The following UTP4 variants were observed in gnomAD, a reference collection of about 807,000 sequenced individuals.
The protein encoded by UTP4 is U3 small nucleolar RNA-associated protein 4 homolog.
UTP4 carries 45 observed loss-of-function variants against 82.4 expected under a neutral mutation model. That is an observed-to-expected ratio of 0.55 (90% CI 0.43 to 0.70). The LOEUF (loss-of-function observed/expected upper bound fraction) is 0.70. Ranked by LOEUF, UTP4 falls within the 30% of genes least tolerant of loss-of-function variation. The pLI is 0.00. For synonymous variants in UTP4, 348 were observed against 300.3 expected, an observed-to-expected ratio of 1.16 and a Z score of -1.64; for missense variants, 819 against 858.3, an observed-to-expected ratio of 0.95 and a Z score of 0.57.
At chr16:69,137,959 T>A in intron 4 of UTP4, 74 bp downstream of exon 4, 5 of 911,354 alleles carry the variant, frequency 5.5e-6, no homozygotes, top group African/African-American at 1.6e-5. Flanking sequence ...GGGGATGGGA[T>A]ATTTTCCCAT....
At chr16:69,153,710 G>T (rs778363534) in intron 9 of UTP4, 30 bp downstream of exon 9, 1 of 1,420,754 alleles carries the variant, frequency 7.0e-7, no homozygotes, top group Non-Finnish European at 9.9e-7. Flanking sequence ...TTTTCAATAA[G>T]AAAACTGGAG....
chr16:69,164,586 T>TTATATA (rs58927210), intron 14 of UTP4, among the ~76,000 whole-genome samples: 3,369 of 132,352 alleles, frequency 0.025, 51 homozygotes, highest in East Asian at 0.038. Context: ...TAATCATTCT[T>TTATATA]TATATATATA....
chr16:69,136,936 G>A, intron 3 of UTP4, 49 bp downstream of exon 3: 2 of 1,498,520 alleles, frequency 1.3e-6, no homozygotes, highest in Non-Finnish European at 1.9e-6. Context: ...TCTCGTGCCT[G>A]CTCAGACTTT....
intron 16 of UTP4, chr16:69,167,557 G>T (rs1963731959): frequency 4.3e-6 from 1 of 234,356 alleles, no homozygotes; most frequent in African/African-American, 2.3e-5. Flanking sequence ...CAGCACTTTG[G>T]GAGGCCAAGG....
rs1194939780 is a variant in UTP4 at position 69,157,071 on chromosome 16, G to C, written c.1288-13G>C. 1 of 1,613,962 alleles carries C rather than the reference G, an allele frequency of 6.2e-7. No individual in the cohort carries two copies. Among genetic ancestry groups the C allele is most frequent in the Non-Finnish European group, 8.5e-7 (1 of 1,179,934 alleles). ...CCTTCTCTCACTGGCTTTTATTATT[G>C]GTTCACCCAAAGGTTTCCAAAATGC... On this transcript the variant is annotated splice_polypyrimidine_tract_variant and intron_variant, in intron 11 of 16. Coordinates refer to ENST00000314423, the MANE Select transcript of UTP4 (RefSeq NM_032830.3).
At chr16:69,133,206 A>T (rs1424811860) in intron 1 of UTP4, among the ~76,000 whole-genome samples, 1 of 151,968 alleles carries the variant, frequency 6.6e-6, no homozygotes, top group Non-Finnish European at 1.5e-5. Context: ...GCCCCGAGAT[A>T]GGAACTCTGG....
intron 6 of UTP4, among the ~76,000 whole-genome samples, chr16:69,145,943 T>C (rs564348512): frequency 8.5e-5 from 13 of 152,180 alleles, no homozygotes; most frequent in Non-Finnish European, 1.2e-4. Context: ...TCATGATTCA[T>C]ACAAGTATGA....
intron 3 of UTP4, among the ~76,000 whole-genome samples, chr16:69,137,335 C>A (rs199766390): frequency 6.6e-6 from 1 of 152,354 alleles, no homozygotes; most frequent in East Asian, 1.9e-4. Context: ...TGACCACACA[C>A]TGAGCCCCTT....
At chr16:69,164,634 A>G (rs927435193) in intron 14 of UTP4, among the ~76,000 whole-genome samples, 1 of 147,988 alleles carries the variant, frequency 6.8e-6, no homozygotes, top group Non-Finnish European at 1.5e-5. Flanking sequence ...ATATCTGTAT[A>G]TAGATATATA....
At chr16:69,152,464 C>CTTTTTTTTTT (rs58914042) in intron 8 of UTP4, among the ~76,000 whole-genome samples, 4 of 107,138 alleles carry the variant, frequency 3.7e-5, no homozygotes, top group South Asian at 3.2e-4. Flanking sequence ...TTCTGTTTTT[C>CTTTTTTTTTT]TTTTTTTTTT....
intron 3 of UTP4, among the ~76,000 whole-genome samples, chr16:69,137,227 T>C (rs1962834971): frequency 6.6e-6 from 1 of 152,216 alleles, no homozygotes; most frequent in Non-Finnish European, 1.5e-5. Flanking sequence ...AATCCTGCTG[T>C]AAATTCACAA....
chr16:69,157,211 A>G lies in UTP4; in HGVS notation c.1415A>G (p.Lys472Arg). Residue 472 changes from lysine to arginine, a missense_variant, in exon 12 of 17, where the codon AAG (lysine) becomes AGG (arginine). Lys to Arg is a conservative substitution (Grantham distance 26). Coordinates refer to ENST00000314423, the MANE Select transcript of UTP4 (RefSeq NM_032830.3). ...HIVQLSGGSF[K>R]HLHAFQPQSG... ...GTTCAGCTGTCAGGAGGAAGCTTCA[A>G]GCACCTGCATGCTTTCCAGCCTCAG... 6.2e-7 allele frequency: 1 copy of G among 1,614,208 alleles called. No individual in the cohort carries two copies. Among genetic ancestry groups the G allele is most frequent in the Non-Finnish European group, 8.5e-7 (1 of 1,180,040 alleles).
chr16:69,145,569 CTT>C (rs553089825), intron 6 of UTP4, among the ~76,000 whole-genome samples: 59 of 145,626 alleles, frequency 4.1e-4, no homozygotes, highest in South Asian at 8.8e-4. Context: ...TTTTCTTTTT[CTT>C]TTTTTTTTTG....
In UTP4 at chr16:69,143,354, G is replaced by A. The variant is rs770418250; in HGVS notation, c.703G>A (p.Ala235Thr). ...TGTLVKSHLI[A>T]NADVQSIAVA... ...GACGCTTGTGAAGAGCCATCTCATC[G>A]CTAATGCTGACGTGCAGTCCATTGC... Residue 235 changes from alanine (A) to threonine (T), a missense_variant, in exon 6 of 17, where the codon GCT (alanine) becomes ACT (threonine). Ala to Thr is a moderately conservative substitution (Grantham distance 58). Coordinates refer to ENST00000314423, the MANE Select transcript of UTP4 (RefSeq NM_032830.3). 20 of 1,614,006 alleles carry A rather than the reference G, an allele frequency of 1.2e-5. No individual in the cohort carries two copies. The highest frequency in any genetic ancestry group is 1.0e-4 in the Admixed American group (6 of 59,998).
chr16:69,147,504 C>CCAAA lies in UTP4; in HGVS notation c.739-3016_739-3013dup, dbSNP rs997840278. On this transcript the variant is annotated intron_variant, in intron 6 of 16. Coordinates refer to ENST00000314423, the MANE Select transcript of UTP4 (RefSeq NM_032830.3). ...TGGGTGACAGAGCAAGACTCTGTCT[C>CCAAA]CAAACAAACAAACAAACAAAAAATA... is the stretch of plus-strand genomic sequence containing the variant. 6.2e-3 allele frequency among the ~76,000 whole-genome samples: 944 copies of CCAAA among 152,106 alleles called. 10 individuals carry two copies. Among genetic ancestry groups the CCAAA allele is most frequent in the African/African-American group, 0.02 (831 of 41,474 alleles).
intron 4 of UTP4, 123 bp from the exon 5 acceptor site, chr16:69,139,702 G>A: frequency 4.6e-6 from 3 of 650,498 alleles, no homozygotes; most frequent in Non-Finnish European, 5.7e-6. Flanking sequence ...GCTTCAAGGA[G>A]TACTATAGAT....
At position 69,168,803 on chromosome 16, in the gene UTP4, A is replaced by C; in HGVS notation, c.1945-18A>C. On this transcript the variant is annotated intron_variant, in intron 16 of 16. Transcript: ENST00000314423. ...CTGGATCCTAAGTCCTGATAGAATAATTATCATCCCTCTGCAGCCTCTACT... is the reference window on the plus strand; with the variant it reads ...CTGGATCCTAAGTCCTGATAGAATACTTATCATCCCTCTGCAGCCTCTACT... 2 of 1,493,856 alleles carry C rather than the reference A, an allele frequency of 1.3e-6. No homozygotes were observed. The highest frequency in any genetic ancestry group is 1.9e-6 in the Non-Finnish European group (2 of 1,070,094). 92.5% of individuals were successfully genotyped at this position (1,493,856 alleles called of 1,614,324 possible).
Position 69,163,211 on chromosome 16 carries a change from C to A in UTP4, c.1647+33C>A, listed in dbSNP as rs921066242. On this transcript the variant is annotated intron_variant, in intron 14 of 16. Transcript: ENST00000314423. ...AGATTCCAGTGCTTTCTATTCCCTT[C>A]CTGCTGGATAGTAACCTAGAAGCTG... 3 of 1,527,276 alleles carry A rather than the reference C, an allele frequency of 2.0e-6. No individual in the cohort carries two copies. In the Admixed American group the frequency reaches 5.0e-5, roughly 25 times the overall value. The allele number at this position is 1,527,276 out of a possible 1,614,324, so 94.6% of individuals were successfully genotyped here. A position where few individuals can be genotyped will look rare whatever the true frequency, so the allele number is the denominator to read the frequency against.
chr16:69,146,053 A>G (rs1327151678), intron 6 of UTP4, among the ~76,000 whole-genome samples: 1 of 151,240 alleles, frequency 6.6e-6, no homozygotes, highest in Non-Finnish European at 1.5e-5. Flanking sequence ...GTGAGCCGAG[A>G]TTGTGCCGTT....
Sources: allele counts gnomAD v4.1 joint callset (sites outside exome capture counted in the v4.1 genomes callset), GRCh38; gene constraint gnomAD v4.1.1; transcripts MANE v1.5; gene names NCBI Gene and HGNC (gene_info 2026-07-23, HGNC 2026-07-21).